The following TRMT1L variants were observed in gnomAD, a reference collection of about 807,000 sequenced individuals.
TRMT1L encodes the protein tRNA (guanine(27)-N(2))-dimethyltransferase.
TRMT1L carries 28 observed loss-of-function variants against 81.6 expected under a neutral mutation model. That is an observed-to-expected ratio of 0.34 (90% CI 0.25 to 0.47). The LOEUF (loss-of-function observed/expected upper bound fraction) is 0.47, where lower values mean the gene tolerates loss of function less well. Among genes scored for constraint, TRMT1L ranks in the 20% least tolerant of loss-of-function variants. TRMT1L has a pLI of 1.00. For synonymous variants in TRMT1L, 301 were observed against 303.2 expected, an observed-to-expected ratio of 0.99 and a Z score of 0.07; for missense variants, 739 against 877.1, an observed-to-expected ratio of 0.84 and a Z score of 1.99.
chr1:185,130,378 T>C (rs186810987), intron 10 of TRMT1L, among the ~76,000 whole-genome samples: 59 of 152,048 alleles, frequency 3.9e-4, no homozygotes, highest in African/African-American at 1.4e-3. Context: ...CAAGAATAAA[T>C]AAAATGGGAG....
intron 1 of TRMT1L, 78 bp downstream of exon 1, chr1:185,156,400 T>C: frequency 1.2e-6 from 2 of 1,612,344 alleles, no homozygotes; most frequent in Admixed American, 3.3e-5. Context: ...ACCATCCCGG[T>C]GAAGGGCCTC....
At chr1:185,128,536 AAG>A (rs1652691672) in intron 11 of TRMT1L, 131 bp downstream of exon 11, 4 of 786,256 alleles carry the variant, frequency 5.1e-6, no homozygotes, top group Admixed American at 4.4e-5. Context: ...ATAGGAGGAG[AAG>A]AGTCATAATT....
rs762231892 is a variant in TRMT1L, at chr1:185,151,951, GAGA to G, written c.236-19_236-17del. The G allele has an allele frequency of 9.2e-5, 138 of 1,495,148 alleles. No individual in the cohort carries two copies. Among genetic ancestry groups the G allele is most frequent in the Middle Eastern group, 5.3e-4 (3 of 5,666 alleles). 92.6% of individuals were successfully genotyped at this position (1,495,148 alleles called of 1,614,324 possible). A position where few individuals can be genotyped will look rare whatever the true frequency, so the allele number is the denominator to read the frequency against. On this transcript the variant is annotated splice_polypyrimidine_tract_variant and intron_variant, in intron 1 of 14. Coordinates refer to ENST00000367506, the MANE Select transcript of TRMT1L (RefSeq NM_030934.5). ...ATGTGTCTCTCTGAAAAAAAAAATTGAGAAGATTATGCTTTAACAGTTTGTATT... is the reference window on the plus strand; with the variant it reads ...ATGTGTCTCTCTGAAAAAAAAAATTGAGATTATGCTTTAACAGTTTGTATT...
intron 1 of TRMT1L, among the ~76,000 whole-genome samples, chr1:185,153,788 C>CTCCTGT (rs1653424164): frequency 1.3e-5 from 2 of 152,032 alleles, no homozygotes; most frequent in Non-Finnish European, 2.9e-5. Context: ...CCCAAGGAGA[C>CTCCTGT]AGGAGATGGT....
rs1419370908 is a variant in TRMT1L, at chr1:185,156,844, G to A, written c.-132C>T. ...AGCAAGTGGGGAGGGCGGGATGCGT[G>A]CAACAGACAAAAGATGAAGAACCAG... On this transcript the variant is annotated 5_prime_UTR_variant, in exon 1 of 15. Transcript: ENST00000367506. 1.6e-6 allele frequency: 2 copies of A among 1,250,308 alleles called. No homozygotes were observed. Among genetic ancestry groups the A allele is most frequent in the Admixed American group, 2.9e-5 (1 of 33,924 alleles). The allele number at this position is 1,250,308 out of a possible 1,614,324, so 77.5% of individuals were successfully genotyped here.
chr1:185,151,004 G>A (rs1653329303), intron 2 of TRMT1L, among the ~76,000 whole-genome samples: 1 of 152,216 alleles, frequency 6.6e-6, no homozygotes. Context: ...GCTGTTCTGA[G>A]ACGGGGCGCA....
chr1:185,144,495 T>C (rs1015324476), intron 5 of TRMT1L, among the ~76,000 whole-genome samples: 6 of 151,968 alleles, frequency 3.9e-5, no homozygotes, highest in African/African-American at 1.4e-4. Flanking sequence ...AGAATCACTC[T>C]ATTTCCTGAA....
intron 3 of TRMT1L, among the ~76,000 whole-genome samples, chr1:185,149,224 TC>T (rs1204884181): frequency 6.6e-6 from 1 of 152,108 alleles, no homozygotes; most frequent in Non-Finnish European, 1.5e-5. Context: ...CTCTTTTAAT[TC>T]CAAGTTTTTG....
At chr1:185,145,675 A>G in intron 4 of TRMT1L, 107 bp from the exon 5 acceptor site, 1 of 1,076,698 alleles carries the variant, frequency 9.3e-7, no homozygotes, top group Non-Finnish European at 1.3e-6. Context: ...GGTATAGAAG[A>G]TAATTTTAAT....
chr1:185,120,373 G>T lies in TRMT1L; in HGVS notation c.1949+10C>A, dbSNP rs1477404321. The T allele has an allele frequency of 1.3e-6, 2 of 1,529,924 alleles. No homozygotes were observed. Among genetic ancestry groups the T allele is most frequent in the African/African-American group, 2.8e-5 (2 of 71,266 alleles). The allele number at this position is 1,529,924 out of a possible 1,614,324, so 94.8% of individuals were successfully genotyped here. ...AATATATATACTTTGTCATTCACTG[G>T]GTGTCTTACTTTGGCATATTCATTC... On this transcript the variant is annotated intron_variant, in intron 14 of 14. Coordinates refer to ENST00000367506, the MANE Select transcript of TRMT1L (RefSeq NM_030934.5).
intron 11 of TRMT1L, among the ~76,000 whole-genome samples, chr1:185,125,795 C>A (rs541351880): frequency 6.6e-6 from 1 of 152,158 alleles, no homozygotes; most frequent in South Asian, 2.1e-4. Flanking sequence ...CAATGTTGAC[C>A]TTATAAAAGC....
chr1:185,122,952 T>G (rs1652536320), intron 13 of TRMT1L, among the ~76,000 whole-genome samples: 3 of 152,188 alleles, frequency 2.0e-5, no homozygotes, highest in Admixed American at 2.0e-4. Context: ...CCCAAAATGC[T>G]GGGATTATAG....
rs777032620 is a variant in TRMT1L at position 185,143,414 on chromosome 1, C to G, written c.802G>C (p.Ala268Pro). Residue 268 changes from alanine (A) to proline (P), a missense_variant, in exon 7 of 15, where the codon GCT becomes CCT. Around this residue, in one of 4 missense-constraint regions of TRMT1L, gnomAD observed 331 missense variants for 462.2 expected, o/e 0.72. Transcript: ENST00000367506. ...LNRQLIFCTL[A>P]ALAEERKPLE... ...GGTTTTCGTTCCTCAGCCAAAGCAG[C>G]CAATGTACAGAATATTAGCTGCCTA... 6.2e-7 allele frequency: 1 copy of G among 1,611,030 alleles called. No homozygotes were observed. Among genetic ancestry groups the G allele is most frequent in the East Asian group, 2.2e-5 (1 of 44,600 alleles).
intron 4 of TRMT1L, among the ~76,000 whole-genome samples, chr1:185,146,232 C>T (rs1313523552): frequency 2.0e-5 from 3 of 151,972 alleles, no homozygotes; most frequent in African/African-American, 7.2e-5. Context: ...AAACAACCAG[C>T]TTGAAAGATT....
intron 7 of TRMT1L, among the ~76,000 whole-genome samples, chr1:185,141,760 A>C (rs920442304): frequency 2.6e-5 from 4 of 152,134 alleles, no homozygotes; most frequent in African/African-American, 9.7e-5. Flanking sequence ...AATTTGGACA[A>C]GCAGGTTAGG....
At chr1:185,131,317 A>G (rs916875188) in intron 10 of TRMT1L, among the ~76,000 whole-genome samples, 7 of 152,176 alleles carry the variant, frequency 4.6e-5, no homozygotes, top group Non-Finnish European at 1.0e-4. Flanking sequence ...AAGTGCTTTA[A>G]AACAATTTTT....
At position 185,121,569 on chromosome 1, in the gene TRMT1L, G is replaced by T. The variant is rs540841291; in HGVS notation, c.1823-1060C>A. Among the ~76,000 whole-genome samples, 306 of 152,158 alleles carry T rather than the reference G, an allele frequency of 2.0e-3. 1 individual carries two copies. The highest frequency in any genetic ancestry group is 7.0e-3 in the African/African-American group (292 of 41,506). On this transcript the variant is annotated intron_variant, in intron 13 of 14. Transcript: ENST00000367506. ...AACATAAAGCAAAAAGGACAACCTG[G>T]GATCCATCCATCAAATCAGAATTAT...
chr1:185,125,253 TAATTTA>T (rs1652594282), intron 11 of TRMT1L, 143 bp from the exon 12 acceptor site: 1 of 535,620 alleles, frequency 1.9e-6, no homozygotes, highest in African/African-American at 2.0e-5. Flanking sequence ...ATTTATGATT[TAATTTA>T]AAACTGTTTA....
intron 10 of TRMT1L, among the ~76,000 whole-genome samples, chr1:185,132,547 AAAAT>A (rs1386086350): frequency 5.3e-5 from 8 of 151,418 alleles, no homozygotes; most frequent in African/African-American, 1.2e-4. Flanking sequence ...AATAAAAATA[AAAAT>A]AAATAAATAA....
Sources: gnomAD v4.1 joint callset for allele counts (sites outside exome capture counted in the v4.1 genomes callset) on GRCh38, gnomAD v4.1.1 for gene constraint, gnomAD v4.1.1 regional missense constraint, MANE v1.5 for transcripts, NCBI Gene and HGNC (gene_info 2026-07-23, HGNC 2026-07-21) for gene names.